Variants in ZNF343 observed in about 807,000 individuals in gnomAD.
ZNF343 encodes the protein zinc finger protein 343.
ZNF343 carries 11 observed loss-of-function variants against 13.8 expected under a neutral mutation model. The observed-to-expected ratio is 0.80, with a 90% confidence interval of 0.50 to 1.32. The LOEUF (loss-of-function observed/expected upper bound fraction) is 1.32. Ranked by LOEUF, ZNF343 falls within the 40% of genes most tolerant of loss-of-function variation. ZNF343 has a pLI of 0.00. For missense variants in ZNF343, 658 were observed against 714.2 expected (o/e 0.92, Z 0.90); for synonymous variants, 248 against 260.0 (o/e 0.95, Z 0.44).
chr20:2,484,443 C>G lies in ZNF343; in HGVS notation c.518G>C (p.Arg173Thr). The change falls in exon 6 of 6, where the codon AGA becomes ACA. Residue 173 changes from arginine (R) to threonine (T), a missense_variant. By Grantham distance (71) the Arg-to-Thr change is moderately conservative. Coordinates refer to ENST00000278772, the MANE Select transcript of ZNF343 (RefSeq NM_024325.6). ...CWFENAEGQE[R>T]GGGSKPWSAR... Reference sequence around the variant, plus strand: ...AGACCAGGGTTTGGAGCCACCTCCTCTCTCCTGACCTTCTGCATTTTCAAA... The same window carrying G: ...AGACCAGGGTTTGGAGCCACCTCCTGTCTCCTGACCTTCTGCATTTTCAAA... 1.2e-6 allele frequency: 2 copies of G among 1,614,212 alleles called. No homozygotes were observed. The highest frequency in any genetic ancestry group is 1.7e-6 in the Non-Finnish European group (2 of 1,180,026).
At chr20:2,496,005 G>A (rs572173097) in intron 2 of ZNF343, among the ~76,000 whole-genome samples, 1 of 152,174 alleles carries the variant, frequency 6.6e-6, no homozygotes, top group African/African-American at 2.4e-5. Context: ...CCAACATTTG[G>A]GACACTGCCA....
intron 5 of ZNF343, among the ~76,000 whole-genome samples, chr20:2,488,542 A>AT (rs1305479589): frequency 2.0e-5 from 3 of 152,084 alleles, no homozygotes; most frequent in African/African-American, 7.2e-5. Flanking sequence ...CAAAGGACAC[A>AT]TTTTAATTCT....
chr20:2,495,691 T>C lies in ZNF343; in HGVS notation c.-149-1647A>G, dbSNP rs919442379. 9.9e-5 allele frequency among the ~76,000 whole-genome samples: 15 copies of C among 151,480 alleles called. 1 individual carries two copies. The highest frequency in any genetic ancestry group is 8.5e-4 in the Admixed American group (13 of 15,208). ...CTTTTTTTTTTCTTTTTTCTTTTTTTTTTTTTTGAGACAGAGTCTCACCCT... is the reference window on the plus strand; with the variant it reads ...CTTTTTTTTTTCTTTTTTCTTTTTTCTTTTTTTGAGACAGAGTCTCACCCT... On this transcript the variant is annotated intron_variant, in intron 2 of 5. Transcript: ENST00000278772.
At chr20:2,516,344 G>T (rs904372937) in intron 1 of ZNF343, among the ~76,000 whole-genome samples, 1 of 152,096 alleles carries the variant, frequency 6.6e-6, no homozygotes. Context: ...AGGGGATTGT[G>T]ATTTAGGGTA....
rs1173493488 is a variant in ZNF343 at position 2,482,150 on chromosome 20, T to C, written c.*1011A>G. 4 of 152,222 alleles carry C rather than the reference T, an allele frequency of 2.6e-5. No individual in the cohort carries two copies. The East Asian group carries it at 7.7e-4, about 29-fold the overall frequency. The allele number at this position is 152,222 out of a possible 1,614,324, so 9.4% of individuals were successfully genotyped here. ...TTCACATTTTCCCTCCCCACCCATG[T>C]AAAGCTTGTCCCAAAAAAGCTGTTC... On this transcript the variant is annotated 3_prime_UTR_variant, in exon 6 of 6. Coordinates refer to ENST00000278772, the MANE Select transcript of ZNF343 (RefSeq NM_024325.6).
At chr20:2,511,425 C>T (rs912815062), upstream of ZNF343, among the ~76,000 whole-genome samples, 1 of 152,168 alleles carries the variant, frequency 6.6e-6, no homozygotes, top group Non-Finnish European at 1.5e-5. Flanking sequence ...GGACCAATTT[C>T]TGTTTATTCA....
At chr20:2,514,094 T>C (rs921750551) in intron 1 of ZNF343, among the ~76,000 whole-genome samples, 13 of 152,102 alleles carry the variant, frequency 8.5e-5, no homozygotes, top group Non-Finnish European at 1.5e-5. Flanking sequence ...GAAAAAGAAG[T>C]TTTAAAATGA....
chr20:2,523,133 A>G (rs1404321327), intron 1 of ZNF343, among the ~76,000 whole-genome samples: 2 of 152,232 alleles, frequency 1.3e-5, no homozygotes, highest in East Asian at 3.8e-4. Context: ...CTCATGATAC[A>G]CTAATTATAA....
intron 5 of ZNF343, among the ~76,000 whole-genome samples, chr20:2,491,021 T>C (rs1020169370): frequency 1.3e-5 from 2 of 152,158 alleles, no homozygotes; most frequent in Non-Finnish European, 2.9e-5. Flanking sequence ...GTAAATCTGA[T>C]TAAATCATAT....
At chr20:2,498,288 G>A (rs535137884) in intron 2 of ZNF343, among the ~76,000 whole-genome samples, 34 of 152,292 alleles carry the variant, frequency 2.2e-4, no homozygotes, top group African/African-American at 6.7e-4. Context: ...CCCAGGAGAC[G>A]GAGGTTGCGG....
chr20:2,510,436 G>T (rs2085731816), upstream of ZNF343, among the ~76,000 whole-genome samples: 1 of 152,216 alleles, frequency 6.6e-6, no homozygotes, highest in South Asian at 2.1e-4. Context: ...GTTAGCAGGA[G>T]ATTTTGTTTT....
At chr20:2,517,318 T>C (rs975218174) in intron 1 of ZNF343, among the ~76,000 whole-genome samples, 1 of 151,724 alleles carries the variant, frequency 6.6e-6, no homozygotes, top group African/African-American at 2.4e-5. Flanking sequence ...CAGGTATATA[T>C]ACAAATATAC....
At chr20:2,510,626 C>A (rs2085733329), upstream of ZNF343, among the ~76,000 whole-genome samples, 1 of 152,106 alleles carries the variant, frequency 6.6e-6, no homozygotes, top group Non-Finnish European at 1.5e-5. Context: ...CAGAAAGGAC[C>A]AATTCCCTTC....
At position 2,489,393 on chromosome 20, in the gene ZNF343, T is replaced by G. The variant is rs2085331217; in HGVS notation, c.304+3306A>C. 2.0e-5 allele frequency among the ~76,000 whole-genome samples: 3 copies of G among 152,200 alleles called. No homozygotes were observed. In the South Asian group the frequency reaches 6.2e-4, roughly 31 times the overall value. The stretch of plus-strand genomic sequence containing the variant: ...AGCAAACTGTATTTTGCTCATAATA[T>G]CTGCTGTTCCTCCCCACTGAGCCCA... On this transcript the variant is annotated intron_variant, in intron 5 of 5. Coordinates refer to ENST00000278772, the MANE Select transcript of ZNF343 (RefSeq NM_024325.6).
intron 1 of ZNF343, among the ~76,000 whole-genome samples, chr20:2,514,858 A>G (rs1229644382): frequency 6.6e-6 from 1 of 152,038 alleles, no homozygotes; most frequent in East Asian, 1.9e-4. Context: ...ATTTGGTGGC[A>G]TGCACCCATA....
intron 1 of ZNF343, among the ~76,000 whole-genome samples, chr20:2,516,448 T>C (rs1350587174): frequency 6.6e-6 from 1 of 152,000 alleles, no homozygotes; most frequent in Non-Finnish European, 1.5e-5. Context: ...TCAGAGTAGG[T>C]CCCAGTGAGG....
At position 2,483,146 on chromosome 20, in the gene ZNF343, C is replaced by A; in HGVS notation, c.*15G>T. The A allele has an allele frequency of 6.3e-7, 1 of 1,589,832 alleles. No individual in the cohort carries two copies. ...AGGTCTTGTTCATGACCCCTGCATACACAGGTTTCTCCCGTCAGTGTGTCC... is the reference window on the plus strand; with the variant it reads ...AGGTCTTGTTCATGACCCCTGCATAAACAGGTTTCTCCCGTCAGTGTGTCC... On this transcript the variant is annotated 3_prime_UTR_variant, in exon 6 of 6. Transcript: ENST00000278772.
At chr20:2,504,283 G>A (rs1257346367) in intron 1 of ZNF343, among the ~76,000 whole-genome samples, 1 of 152,070 alleles carries the variant, frequency 6.6e-6, no homozygotes, top group African/African-American at 2.4e-5. Flanking sequence ...TCTCTGAATA[G>A]ACTCTGAAAT....
At chr20:2,519,884 TC>T (rs1436126877) in intron 1 of ZNF343, among the ~76,000 whole-genome samples, 2 of 152,222 alleles carry the variant, frequency 1.3e-5, no homozygotes, top group Admixed American at 1.3e-4. Flanking sequence ...TTGCCTAGGT[TC>T]ATCCTAATTT....
Sources: gnomAD v4.1 joint callset for allele counts (sites outside exome capture counted in the v4.1 genomes callset) on GRCh38, gnomAD v4.1.1 for gene constraint, MANE v1.5 for transcripts, NCBI Gene and HGNC (gene_info 2026-07-23, HGNC 2026-07-21) for gene names.